Variants in RARB observed in about 807,000 individuals in gnomAD.
RARB encodes the protein HBV-activated protein.
A neutral mutation model predicts 51.9 loss-of-function variants in RARB; 17 were observed. That is an observed-to-expected ratio of 0.33 (90% CI 0.22 to 0.49). The LOEUF (loss-of-function observed/expected upper bound fraction) is 0.49, where lower values mean the gene tolerates loss of function less well. RARB is among the 20% of genes least tolerant of loss of function. The probability of loss-of-function intolerance (pLI) is 0.99; values close to 1 mark genes in which losing one functional copy is unlikely to be tolerated. For synonymous variants in RARB, 215 were observed against 195.4 expected, an observed-to-expected ratio of 1.10 and a Z score of -0.84; for missense variants, 369 against 550.8, an observed-to-expected ratio of 0.67 and a Z score of 3.30.
At chr3:25,359,553 T>C (rs1412403322) in intron 5 of RARB, among the ~76,000 whole-genome samples, 1 of 152,214 alleles carries the variant, frequency 6.6e-6, no homozygotes, top group Admixed American at 6.6e-5. Context: ...TCTAGTTCTT[T>C]TAATTGTGAT....
intron 2 of RARB, among the ~76,000 whole-genome samples, chr3:25,469,189 A>G (rs1575433769): frequency 6.6e-6 from 1 of 152,356 alleles, no homozygotes; most frequent in Middle Eastern, 3.4e-3. Flanking sequence ...CCTGGCAGAC[A>G]GCAAGCAGAA....
At chr3:24,986,783 C>G (rs760824282) in intron 2 of RARB, among the ~76,000 whole-genome samples, 10 of 152,106 alleles carry the variant, frequency 6.6e-5, no homozygotes, top group African/African-American at 2.2e-4. Context: ...CATGGTGATT[C>G]ACATCGCAGC....
At chr3:24,851,442 A>G (rs1358881791) in intron 1 of RARB, among the ~76,000 whole-genome samples, 2 of 151,908 alleles carry the variant, frequency 1.3e-5, no homozygotes, top group Non-Finnish European at 2.9e-5. Context: ...AAAAAAAAAA[A>G]AGGAAATTGT....
intron 5 of RARB, among the ~76,000 whole-genome samples, chr3:25,234,279 C>T (rs763143379): frequency 1.3e-5 from 2 of 151,992 alleles, no homozygotes; most frequent in African/African-American, 4.8e-5. Flanking sequence ...TCTTGAGTGA[C>T]TTTTGTTAGT....
At chr3:25,251,783 C>T (rs1032413853) in intron 5 of RARB, among the ~76,000 whole-genome samples, 3 of 149,900 alleles carry the variant, frequency 2.0e-5, no homozygotes, top group Admixed American at 6.6e-5. Flanking sequence ...ACGTATGATT[C>T]GCAAATACTT....
intron 5 of RARB, among the ~76,000 whole-genome samples, chr3:25,371,326 G>T (rs1342706206): frequency 6.6e-6 from 1 of 152,148 alleles, no homozygotes; most frequent in Non-Finnish European, 1.5e-5. Context: ...GACAAGGCTT[G>T]GGGGAGGGTA....
chr3:24,929,293 A>G (rs766997743), intron 2 of RARB, among the ~76,000 whole-genome samples: 2 of 152,128 alleles, frequency 1.3e-5, no homozygotes, highest in Non-Finnish European at 2.9e-5. Context: ...TTTAGAAGTT[A>G]GAGTGCATAG....
chr3:25,495,093 G>A (rs1696957125), intron 2 of RARB, among the ~76,000 whole-genome samples: 1 of 152,144 alleles, frequency 6.6e-6, no homozygotes, highest in Non-Finnish European at 1.5e-5. Context: ...GCCTGAACTA[G>A]ACAATTCACC....
chr3:25,454,278 G>C (rs1251965076), intron 1 of RARB, among the ~76,000 whole-genome samples: 1 of 152,192 alleles, frequency 6.6e-6, no homozygotes, highest in Non-Finnish European at 1.5e-5. Context: ...GTGAGCTGTA[G>C]GCTTTGCAGT....
exon 5 of RARB, chr3:25,174,160 G>T: frequency 4.1e-6 from 1 of 244,102 alleles, no homozygotes; most frequent in Admixed American, 4.4e-5. Context: ...TGTCTCACTG[G>T]TCTTAAACTG....
chr3:25,385,623 A>T (rs1436421087), intron 5 of RARB, among the ~76,000 whole-genome samples: 1 of 151,584 alleles, frequency 6.6e-6, no homozygotes, highest in Non-Finnish European at 1.5e-5. Context: ...GTATTAGTTG[A>T]CCTCCTGCAA....
At chr3:25,185,159 T>C (rs985265915) in intron 5 of RARB, among the ~76,000 whole-genome samples, 13 of 152,174 alleles carry the variant, frequency 8.5e-5, no homozygotes, top group Non-Finnish European at 1.8e-4. Flanking sequence ...TATTTTTTTT[T>C]AATTTCAGAA....
intron 5 of RARB, among the ~76,000 whole-genome samples, chr3:25,385,734 G>A (rs1315468865): frequency 1.3e-5 from 2 of 152,082 alleles, no homozygotes; most frequent in East Asian, 1.9e-4. Context: ...CCTGCCCTAC[G>A]CTCCTTCTGT....
rs1276890268 is a variant in RARB, at chr3:25,552,198, A to G, written c.449-17560A>G. Among the ~76,000 whole-genome samples the G allele has an allele frequency of 2.6e-5, 4 of 152,196 alleles. No homozygotes were observed. In the East Asian group the frequency reaches 7.7e-4, roughly 29 times the overall value. On this transcript the variant is annotated intron_variant, in intron 3 of 7. Transcript: ENST00000330688. ...AAATGGCAGTTCCTGGAGCTGACCA[A>G]CCATTGTGCAATTTCCTGAATTTGG...
chr3:25,210,708 C>A (rs1300497090), intron 5 of RARB, among the ~76,000 whole-genome samples: 2 of 151,190 alleles, frequency 1.3e-5, no homozygotes, highest in Non-Finnish European at 3.0e-5. Context: ...CTAAGTTTTA[C>A]ATTTTTATTG....
chr3:25,011,821 AG>A (rs1352834187), intron 2 of RARB, among the ~76,000 whole-genome samples: 1 of 152,130 alleles, frequency 6.6e-6, no homozygotes, highest in African/African-American at 2.4e-5. Flanking sequence ...TCTAAGGCAA[AG>A]TAGGAATTTA....
Position 25,286,334 on chromosome 3 carries a change from C to T in RARB, c.178+111759C>T, listed in dbSNP as rs545882729. ...CGATCTCCTGACCTCGTGATCCACC[C>T]GCCTTGGCCTCCCAAAGTGCTGGGA... is the stretch of plus-strand genomic sequence containing the variant. On this transcript the variant is annotated intron_variant, in intron 5 of 11. Coordinates refer to the RARB transcript ENST00000383772. Among the ~76,000 whole-genome samples the T allele has an allele frequency of 1.0e-3, 156 of 152,204 alleles. 2 individuals are homozygous for T. Among genetic ancestry groups the T allele is most frequent in the Middle Eastern group, 3.4e-3 (1 of 294 alleles).
chr3:25,282,790 T>TCAC (rs879273833), intron 5 of RARB, among the ~76,000 whole-genome samples: 3 of 152,128 alleles, frequency 2.0e-5, no homozygotes, highest in Non-Finnish European at 4.4e-5. Context: ...CTGGGACTGC[T>TCAC]CACCACCACC....
At chr3:25,361,658 G>A (rs1705937672) in intron 5 of RARB, among the ~76,000 whole-genome samples, 1 of 152,180 alleles carries the variant, frequency 6.6e-6, no homozygotes, top group Non-Finnish European at 1.5e-5. Context: ...CCTTCAGTGA[G>A]TTTTTGCGTG....
Sources: allele counts gnomAD v4.1 joint callset (sites outside exome capture counted in the v4.1 genomes callset), GRCh38; gene constraint gnomAD v4.1.1; transcripts MANE v1.5; gene names NCBI Gene and HGNC (gene_info 2026-07-23, HGNC 2026-07-21).